Variants in TRABD2B observed in about 807,000 individuals in gnomAD.
The protein encoded by TRABD2B is metalloprotease TIKI2.
A neutral mutation model predicts 40.1 loss-of-function variants in TRABD2B; 14 were observed. The observed-to-expected ratio is 0.35, with a 90% CI of 0.23 to 0.55. The LOEUF is 0.55. Among genes scored for constraint, TRABD2B ranks in the 20% least tolerant of loss-of-function variants. TRABD2B has a pLI of 0.90. For synonymous variants in TRABD2B, 263 were observed against 277.0 expected (o/e 0.95, Z 0.50); for missense variants, 541 against 648.6 (o/e 0.83, Z 1.80).
At chr1:47,767,866 TCA>T (rs1198616429) in intron 6 of TRABD2B, among the ~76,000 whole-genome samples, 2 of 152,194 alleles carry the variant, frequency 1.3e-5, no homozygotes, top group Admixed American at 6.5e-5. Context: ...CTGGCCATAA[TCA>T]CAGTGGTGAC....
At chr1:47,897,443 C>G (rs1644538738) in intron 2 of TRABD2B, among the ~76,000 whole-genome samples, 1 of 152,126 alleles carries the variant, frequency 6.6e-6, no homozygotes, top group Admixed American at 6.6e-5. Context: ...AGCCAAGAAG[C>G]AGACAGGCTC....
At chr1:47,788,313 T>C (rs1440648447) in intron 4 of TRABD2B, among the ~76,000 whole-genome samples, 2 of 152,210 alleles carry the variant, frequency 1.3e-5, no homozygotes, top group African/African-American at 2.4e-5. Context: ...CCTGGGTGCT[T>C]ACCTCTGATC....
At chr1:47,961,963 C>G (rs1645523360) in intron 2 of TRABD2B, among the ~76,000 whole-genome samples, 1 of 152,098 alleles carries the variant, frequency 6.6e-6, no homozygotes, top group South Asian at 2.1e-4. Flanking sequence ...GGAACCAACC[C>G]AAATGTCCAT....
intron 2 of TRABD2B, among the ~76,000 whole-genome samples, chr1:47,820,581 C>T (rs867552416): frequency 8.5e-4 from 129 of 152,246 alleles, no homozygotes; most frequent in African/African-American, 2.9e-3. Context: ...GGCTAGGGCC[C>T]CTGGCTACCG....
chr1:47,909,388 G>A (rs979846674), intron 2 of TRABD2B, among the ~76,000 whole-genome samples: 1 of 151,968 alleles, frequency 6.6e-6, no homozygotes, highest in Admixed American at 6.6e-5. Context: ...CAGGGCGAGA[G>A]AGGAAGCATG....
chr1:47,788,306 G>C (rs1189612982), intron 4 of TRABD2B, among the ~76,000 whole-genome samples: 2 of 152,142 alleles, frequency 1.3e-5, no homozygotes, highest in Non-Finnish European at 2.9e-5. Flanking sequence ...TCTCAAGCCT[G>C]GGTGCTTACC....
intron 2 of TRABD2B, among the ~76,000 whole-genome samples, chr1:47,886,806 A>G (rs991646083): frequency 2.0e-5 from 3 of 152,172 alleles, no homozygotes; most frequent in Non-Finnish European, 4.4e-5. Flanking sequence ...AGTTTTTCAA[A>G]CAGTTTTTCT....
chr1:47,850,349 G>A (rs1645531242), intron 2 of TRABD2B, among the ~76,000 whole-genome samples: 1 of 152,240 alleles, frequency 6.6e-6, no homozygotes, highest in South Asian at 2.1e-4. Flanking sequence ...AGCTCACCAG[G>A]AGGAGTATAT....
chr1:47,848,383 C>T (rs530655015), intron 2 of TRABD2B, among the ~76,000 whole-genome samples: 36 of 152,162 alleles, frequency 2.4e-4, no homozygotes, highest in Non-Finnish European at 4.3e-4. Flanking sequence ...ACCAAGATTA[C>T]GGCTCAGGCT....
At chr1:47,900,606 T>C (rs567759605) in intron 2 of TRABD2B, among the ~76,000 whole-genome samples, 14 of 152,242 alleles carry the variant, frequency 9.2e-5, no homozygotes, top group African/African-American at 2.9e-4. Context: ...CACCCCTCCA[T>C]AGAGCAAGAG....
chr1:47,916,052 C>T lies in TRABD2B; in HGVS notation c.666+77982G>A, dbSNP rs111966466. Among the ~76,000 whole-genome samples the T allele has an allele frequency of 1.8e-4, 27 of 151,868 alleles. 2 individuals carry two copies. Among genetic ancestry groups the T allele is most frequent in the African/African-American group, 3.1e-4 (13 of 41,380 alleles). On this transcript the variant is annotated intron_variant, in intron 2 of 6. Coordinates refer to ENST00000606738, the MANE Select transcript of TRABD2B (RefSeq NM_001194986.2). ...TGCAAGGACCTGGGGTTGCTGAGGA[C>T]GCCGCAGACAGCCCTAAAGGGGACA...
At chr1:47,941,956 A>G (rs897369813) in intron 2 of TRABD2B, among the ~76,000 whole-genome samples, 1 of 152,272 alleles carries the variant, frequency 6.6e-6, no homozygotes, top group Admixed American at 6.5e-5. Context: ...GTGCCAATAA[A>G]TGTTAGTCAA....
intron 2 of TRABD2B, among the ~76,000 whole-genome samples, chr1:47,823,575 G>C (rs1180619060): frequency 6.6e-6 from 1 of 152,218 alleles, no homozygotes; most frequent in African/African-American, 2.4e-5. Context: ...ATGGATATGT[G>C]TGTTTGCTGG....
At chr1:47,839,584 T>C (rs1645367351) in intron 2 of TRABD2B, among the ~76,000 whole-genome samples, 1 of 152,176 alleles carries the variant, frequency 6.6e-6, no homozygotes, top group Non-Finnish European at 1.5e-5. Flanking sequence ...AGAGGGAATT[T>C]ATGAAATGCA....
intron 2 of TRABD2B, among the ~76,000 whole-genome samples, chr1:47,957,331 A>G (rs1645439034): frequency 1.3e-5 from 2 of 152,246 alleles, no homozygotes; most frequent in Admixed American, 1.3e-4. Context: ...GCTCCTCACC[A>G]GCAACAGAAC....
At chr1:47,810,862 G>A (rs1363997579) in intron 2 of TRABD2B, among the ~76,000 whole-genome samples, 1 of 152,206 alleles carries the variant, frequency 6.6e-6, no homozygotes, top group Non-Finnish European at 1.5e-5. Flanking sequence ...GCAACGCCAG[G>A]GAAGGAGGAG....
At chr1:47,960,064 C>T (rs897053965) in intron 2 of TRABD2B, among the ~76,000 whole-genome samples, 2 of 152,154 alleles carry the variant, frequency 1.3e-5, no homozygotes, top group Non-Finnish European at 2.9e-5. Flanking sequence ...TCAACATATG[C>T]AAATCAATAA....
chr1:47,923,945 C>T (rs897430887), intron 2 of TRABD2B, among the ~76,000 whole-genome samples: 2 of 151,340 alleles, frequency 1.3e-5, no homozygotes, highest in African/African-American at 4.9e-5. Flanking sequence ...CACACACACA[C>T]ACACACACAC....
intron 2 of TRABD2B, among the ~76,000 whole-genome samples, chr1:47,879,010 T>G (rs1306384387): frequency 6.7e-6 from 1 of 150,294 alleles, no homozygotes; most frequent in Admixed American, 6.6e-5. Flanking sequence ...GACACTGAGG[T>G]GGGACAATCA....
Sources: allele counts gnomAD v4.1 joint callset (sites outside exome capture counted in the v4.1 genomes callset), GRCh38; gene constraint gnomAD v4.1.1; transcripts MANE v1.5; gene names NCBI Gene and HGNC (gene_info 2026-07-23, HGNC 2026-07-21).